VPS13B: variants seen among roughly 807,000 people sequenced by gnomAD.
VPS13B encodes the protein intermembrane lipid transfer protein VPS13B.
A neutral mutation model predicts 426.4 loss-of-function variants in VPS13B; 285 were observed. That is an observed-to-expected ratio of 0.67 (90% confidence interval 0.61 to 0.74). VPS13B has a LOEUF of 0.74. VPS13B is among the 30% of genes least tolerant of loss of function. The pLI is 0.00. For synonymous variants in VPS13B, 1,676 were observed against 1,676.4 expected (o/e 1.00, Z 0.01); for missense variants, 4,537 against 4,782.6 (o/e 0.95, Z 1.51).
At chr8:99,129,984 T>C (rs921894409) in intron 8 of VPS13B, among the ~76,000 whole-genome samples, 4 of 152,210 alleles carry the variant, frequency 2.6e-5, no homozygotes, top group Non-Finnish European at 5.9e-5. Context: ...GCTACTGCAC[T>C]GCAGCCTGGG....
At position 99,877,376 on chromosome 8, in the gene VPS13B, T is replaced by G; in HGVS notation, c.*1710T>G. 1 of 152,660 alleles carries G rather than the reference T, an allele frequency of 6.6e-6. No homozygotes were observed. Among genetic ancestry groups the G allele is most frequent in the East Asian group, 1.9e-4 (1 of 5,206 alleles). 9.5% of individuals were successfully genotyped at this position (152,660 alleles called of 1,614,324 possible). ...TTGTATCTTTTATGGTAATTTTGCA[T>G]ATTGATATGAATTATATAAAATTGT... On this transcript the variant is annotated 3_prime_UTR_variant, in exon 62 of 62. Coordinates refer to ENST00000357162, the MANE Select transcript of VPS13B (RefSeq NM_152564.5).
chr8:99,333,392 ATCT>A (rs560086107), intron 19 of VPS13B, among the ~76,000 whole-genome samples: 4 of 151,738 alleles, frequency 2.6e-5, no homozygotes, highest in Admixed American at 6.6e-5. Context: ...GATCCTATGT[ATCT>A]TCTTCTCAGT....
intron 43 of VPS13B, among the ~76,000 whole-genome samples, chr8:99,794,264 G>A (rs1812697378): frequency 6.6e-6 from 1 of 152,186 alleles, no homozygotes. Context: ...AATTTGGCCT[G>A]TTATTGGTGC....
chr8:99,418,276 TTTC>T, intron 21 of VPS13B, among the ~76,000 whole-genome samples: 1 of 152,088 alleles, frequency 6.6e-6, no homozygotes, highest in Admixed American at 6.5e-5. Flanking sequence ...CCCTCCCTCC[TTTC>T]TTCTTTTCTT....
At chr8:99,255,181 C>G (rs1817684641) in intron 17 of VPS13B, among the ~76,000 whole-genome samples, 1 of 152,034 alleles carries the variant, frequency 6.6e-6, no homozygotes. Context: ...TTGGTCATTA[C>G]ATTTTTCAGT....
intron 30 of VPS13B, among the ~76,000 whole-genome samples, chr8:99,533,531 A>G (rs1823041587): frequency 6.6e-6 from 1 of 152,202 alleles, no homozygotes; most frequent in African/African-American, 2.4e-5. Context: ...AATGAAATTC[A>G]TGATTGAGAT....
At chr8:99,329,202 T>C (rs1382828028) in intron 19 of VPS13B, among the ~76,000 whole-genome samples, 1 of 152,118 alleles carries the variant, frequency 6.6e-6, no homozygotes, top group Non-Finnish European at 1.5e-5. Context: ...GTGAAACATA[T>C]AGAGTGAAAA....
At chr8:99,142,219 A>G (rs537207005) in intron 12 of VPS13B, among the ~76,000 whole-genome samples, 1 of 152,302 alleles carries the variant, frequency 6.6e-6, no homozygotes, top group South Asian at 2.1e-4. Flanking sequence ...AGGCTTTTCT[A>G]GTTTCTAAGG....
intron 17 of VPS13B, among the ~76,000 whole-genome samples, chr8:99,196,738 T>C (rs7017261): frequency 0.83 from 125,617 of 152,048 alleles, 52,411 homozygotes; most frequent in South Asian, 0.89. Context: ...TATGCCTGGC[T>C]GGGATTTTTA....
In VPS13B at chr8:99,154,035, A is replaced by G. The variant is rs180975849; in HGVS notation, c.2014-2514A>G. Among the ~76,000 whole-genome samples, 522 of 152,048 alleles carry G rather than the reference A, an allele frequency of 3.4e-3. 3 individuals are homozygous for G. The highest frequency in any genetic ancestry group is 0.011 in the African/African-American group (469 of 41,502). ...CTTACATTGTTTTTGAGTGGAGGTC[A>G]GGTATAATTCATATCATTGCTCCTC... On this transcript the variant is annotated intron_variant, in intron 14 of 61. Transcript: ENST00000357162.
chr8:99,853,608 G>C lies in VPS13B; in HGVS notation c.10219G>C (p.Gly3407Arg), dbSNP rs6468694. 6.2e-7 allele frequency: 1 copy of C among 1,614,068 alleles called. No homozygotes were observed. Among genetic ancestry groups the C allele is most frequent in the Admixed American group, 1.7e-5 (1 of 60,016 alleles). Residue 3407 changes from glycine to arginine, a missense_variant, in exon 56 of 62, where the codon GGG becomes CGG. Gly to Arg is a moderately radical substitution (Grantham distance 125). Transcript: ENST00000357162. ...GGCCCCGGGAGCTGGTCCCCTCCCT[G>C]GGGAAGAGCCTGTGGCTGCGTTGTT... ...CVAPGAGPLP[G>R]EEPVAALFEL...
intron 33 of VPS13B, among the ~76,000 whole-genome samples, chr8:99,624,808 C>CTTTTT (rs35211688): frequency 1.6e-4 from 22 of 136,916 alleles, no homozygotes; most frequent in African/African-American, 4.9e-4. Flanking sequence ...CCTTATTTTG[C>CTTTTT]TTTTTTTTTT....
At chr8:99,256,789 C>T (rs747789475) in intron 17 of VPS13B, among the ~76,000 whole-genome samples, 6 of 152,034 alleles carry the variant, frequency 3.9e-5, no homozygotes, top group Non-Finnish European at 8.8e-5. Context: ...TGGATACCAG[C>T]GTCTCATCAG....
chr8:99,741,054 T>A (rs1301766187), intron 39 of VPS13B, among the ~76,000 whole-genome samples: 2 of 152,120 alleles, frequency 1.3e-5, no homozygotes, highest in African/African-American at 4.8e-5. Context: ...TCAAGACCCA[T>A]CACTGTGCTG....
At chr8:99,501,283 A>G (rs1821220276) in intron 25 of VPS13B, among the ~76,000 whole-genome samples, 1 of 152,122 alleles carries the variant, frequency 6.6e-6, no homozygotes, top group African/African-American at 2.4e-5. Flanking sequence ...CAACTACTCA[A>G]CTCTGCTGAA....
chr8:99,817,602 C>T lies in VPS13B; in HGVS notation c.8160C>T (p.Val2720=), dbSNP rs373348061. Residue 2720 remains valine (V), a synonymous_variant, in exon 45 of 62, where the codon GTC becomes GTT. Coordinates refer to ENST00000357162, the MANE Select transcript of VPS13B (RefSeq NM_152564.5). ...SYLSQSIELK[V]VQHYIGQDGQ... ...TGTCTCAAAGCATAGAACTAAAAGT[C>T]GTTCAGCATTACATTGGTCAAGATG... 1.5e-5 allele frequency: 25 copies of T among 1,613,934 alleles called. No individual in the cohort carries two copies. The highest frequency in any genetic ancestry group is 2.0e-5 in the Non-Finnish European group (24 of 1,179,970).
rs557058705 is a variant in VPS13B, at chr8:99,634,932, A to G, written c.5221-6879A>G. Reference sequence around the variant, plus strand: ...ATCATTGAAATTTTGAGACTTAAAAATATATTCTTATTGTTGTCTAGATTA... The same window carrying G: ...ATCATTGAAATTTTGAGACTTAAAAGTATATTCTTATTGTTGTCTAGATTA... On this transcript the variant is annotated intron_variant, in intron 33 of 61. Transcript: ENST00000357162. 2.6e-5 allele frequency among the ~76,000 whole-genome samples: 4 copies of G among 152,058 alleles called. No individual in the cohort carries two copies. The East Asian group carries it at 7.7e-4, about 29-fold the overall frequency.
rs1230991267 is a variant in VPS13B at position 99,273,059 on chromosome 8, C to G, written c.2516-1139C>G. 2.0e-5 allele frequency among the ~76,000 whole-genome samples: 3 copies of G among 152,186 alleles called. No individual in the cohort carries two copies. In the East Asian group the frequency reaches 5.8e-4, roughly 29 times the overall value. ...AAATCCAAAATTCAGGACACTTCTGCTCCCAAGTATTTTGGATAAGGGATC... is the reference window on the plus strand; with the variant it reads ...AAATCCAAAATTCAGGACACTTCTGGTCCCAAGTATTTTGGATAAGGGATC... On this transcript the variant is annotated intron_variant, in intron 17 of 61. Transcript: ENST00000357162.
intron 17 of VPS13B, among the ~76,000 whole-genome samples, chr8:99,252,765 T>G (rs1428623309): frequency 6.6e-6 from 1 of 152,094 alleles, no homozygotes; most frequent in Non-Finnish European, 1.5e-5. Flanking sequence ...CTTATAATTT[T>G]TTTCCTCTTA....
Sources: gnomAD v4.1 joint callset for allele counts (sites outside exome capture counted in the v4.1 genomes callset) on GRCh38, gnomAD v4.1.1 for gene constraint, MANE v1.5 for transcripts, NCBI Gene and HGNC (gene_info 2026-07-23, HGNC 2026-07-21) for gene names.